The following SLC6A9 variants were observed in gnomAD, a reference collection of about 807,000 sequenced individuals.
SLC6A9 encodes the protein sodium- and chloride-dependent glycine transporter 1.
A neutral mutation model predicts 70.9 loss-of-function variants in SLC6A9; 31 were observed. That is an observed-to-expected ratio of 0.44 (90% confidence interval 0.33 to 0.59). The LOEUF (loss-of-function observed/expected upper bound fraction) is 0.59. Among genes scored for constraint, SLC6A9 ranks in the 20% least tolerant of loss-of-function variants. The probability of loss-of-function intolerance (pLI) is 0.04; values close to 1 mark genes in which losing one functional copy is unlikely to be tolerated. For missense variants in SLC6A9, 631 were observed against 845.2 expected, an observed-to-expected ratio of 0.75 and a Z score of 3.14; for synonymous variants, 310 against 341.3, an observed-to-expected ratio of 0.91 and a Z score of 1.01.
At chr1:44,017,211 C>T (rs1474112999) in intron 2 of SLC6A9, 4 of 1,548,596 alleles carry the variant, frequency 2.6e-6, no homozygotes, top group South Asian at 1.2e-5. Context: ...GCGTCAATTA[C>T]TTTCACCTCA....
chr1:44,017,943 A>C (rs1343043818), intron 2 of SLC6A9, among the ~76,000 whole-genome samples: 1 of 152,186 alleles, frequency 6.6e-6, no homozygotes, highest in African/African-American at 2.4e-5. Flanking sequence ...TGGTAGGTCC[A>C]GTGGTGTCGT....
chr1:44,009,011 C>T lies in SLC6A9; in HGVS notation c.320-388G>A, dbSNP rs532373068. On this transcript the variant is annotated intron_variant, in intron 4 of 13. Coordinates refer to ENST00000372310, the MANE Select transcript of SLC6A9 (RefSeq NM_001024845.3). ...CTGGGATTACAGGCGTGAGCCACCGCGCCCGGCCTTTTTTTTTTTTTTTTT... is the reference window on the plus strand; with the variant it reads ...CTGGGATTACAGGCGTGAGCCACCGTGCCCGGCCTTTTTTTTTTTTTTTTT... 1.6e-3 allele frequency among the ~76,000 whole-genome samples: 227 copies of T among 143,460 alleles called. 1 individual carries two copies. The highest frequency in any genetic ancestry group is 5.3e-3 in the African/African-American group (204 of 38,814). The allele number at this position is 143,460 out of a possible 152,430, so 94.1% of individuals were successfully genotyped here.
intron 8 of SLC6A9, 44 bp from the exon 9 acceptor site, chr1:44,001,671 T>C: frequency 6.6e-7 from 1 of 1,506,122 alleles, no homozygotes; most frequent in Non-Finnish European, 9.1e-7. Flanking sequence ...CTCCCCAATT[T>C]GGGCCAAGAG....
chr1:44,001,112 C>A, intron 10 of SLC6A9, 52 bp downstream of exon 10: 1 of 1,612,962 alleles, frequency 6.2e-7, no homozygotes. Flanking sequence ...CCCAACCCTT[C>A]CCTGCACGTC....
rs1460786911 is a variant in SLC6A9, at chr1:44,017,122, TC to T, written c.31-6241del. 14 of 1,606,404 alleles carry T rather than the reference TC, an allele frequency of 8.7e-6. No homozygotes were observed. The highest frequency in any genetic ancestry group is 1.2e-5 in the Non-Finnish European group (14 of 1,177,182). ...GGCGAGCGATCGCAGCCCGCGTGTC[TC>T]CGCCGCTCATTCACACCTCTGCCAG... On this transcript the variant is annotated intron_variant, in intron 2 of 13. Transcript: ENST00000372310.
chr1:44,019,265 A>T (rs1195075545), intron 2 of SLC6A9, among the ~76,000 whole-genome samples: 1 of 152,226 alleles, frequency 6.6e-6, no homozygotes, highest in Non-Finnish European at 1.5e-5. Flanking sequence ...GGTACAAGTT[A>T]ACTTCCCATA....
intron 1 of SLC6A9, among the ~76,000 whole-genome samples, chr1:44,025,270 T>C (rs1334509137): frequency 8.5e-6 from 1 of 117,768 alleles, no homozygotes; most frequent in Non-Finnish European, 1.5e-5. Flanking sequence ...GCCCAGGATC[T>C]TGTGGGAAGC....
intron 10 of SLC6A9, 38 bp downstream of exon 10, chr1:44,001,126 G>A: frequency 1.9e-6 from 3 of 1,613,968 alleles, no homozygotes; most frequent in Non-Finnish European, 2.5e-6. Flanking sequence ...GCACGTCCTG[G>A]CAACTCTGGG....
intron 2 of SLC6A9, among the ~76,000 whole-genome samples, chr1:44,019,675 G>C (rs902610975): frequency 3.3e-5 from 5 of 152,380 alleles, no homozygotes; most frequent in Admixed American, 2.6e-4. Flanking sequence ...CAGCAGCCCA[G>C]CTGGGCCCTG....
chr1:44,010,215 GC>G, intron 3 of SLC6A9, 119 bp from the exon 4 acceptor site: 1 of 1,121,266 alleles, frequency 8.9e-7, no homozygotes, highest in Non-Finnish European at 1.3e-6. Flanking sequence ...GGAGGAGTGT[GC>G]CAGGCTTGAG....
At chr1:44,008,727 A>C in intron 4 of SLC6A9, 104 bp from the exon 5 acceptor site, 1 of 891,130 alleles carries the variant, frequency 1.1e-6, no homozygotes, top group Non-Finnish European at 1.7e-6. Context: ...TTTTTTTGAG[A>C]TGGAGTCTAG....
At position 43,998,042 on chromosome 1, in the gene SLC6A9, T is replaced by C. The variant is rs201703200; in HGVS notation, c.1537-17A>G. On this transcript the variant is annotated splice_polypyrimidine_tract_variant and intron_variant, in intron 12 of 13. Transcript: ENST00000372310. ...TAGAATAAACTGCACGGGGCAGGTG[T>C]GGGAGTGGGCGTGAGGCCGACCCAG... 1,362 of 1,597,712 alleles carry C rather than the reference T, an allele frequency of 8.5e-4. 33 individuals are homozygous for C. In the South Asian group the frequency reaches 0.014, roughly 17 times the overall value.
chr1:44,009,729 C>T (rs954078008), intron 4 of SLC6A9, among the ~76,000 whole-genome samples: 5 of 151,990 alleles, frequency 3.3e-5, no homozygotes, highest in African/African-American at 4.8e-5. Flanking sequence ...GGTAAGTTGG[C>T]GGGGGGTGGC....
intron 2 of SLC6A9, chr1:44,017,128 G>A (rs757110561): frequency 1.4e-5 from 23 of 1,606,452 alleles, no homozygotes; most frequent in Middle Eastern, 1.7e-4. Flanking sequence ...TGTCTCCGCC[G>A]CTCATTCACA....
chr1:44,023,715 C>T (rs942476627), intron 2 of SLC6A9, among the ~76,000 whole-genome samples: 1 of 151,906 alleles, frequency 6.6e-6, no homozygotes, highest in Non-Finnish European at 1.5e-5. Flanking sequence ...CTACCTCTCC[C>T]GTGTCTCGTG....
In SLC6A9 at chr1:44,002,849, T is replaced by C; in HGVS notation, c.723+4A>G. 1 of 1,614,026 alleles carries C rather than the reference T, an allele frequency of 6.2e-7. No individual in the cohort carries two copies. Reference sequence around the variant, plus strand: ...CACAGACCCTGCTGGGGAGGGGTACTTGCTTTCCCTGAAGACTTGACCCCT... The same window carrying C: ...CACAGACCCTGCTGGGGAGGGGTACCTGCTTTCCCTGAAGACTTGACCCCT... On this transcript the variant is annotated splice_donor_region_variant and intron_variant, in intron 6 of 13. Transcript: ENST00000372310. The surrounding 1 kb of genome is among the most constrained non-coding windows in gnomAD (Gnocchi z 5.5).
In SLC6A9 at chr1:43,997,508, C is replaced by CGGGGTG. The variant is rs1557662261; in HGVS notation, c.*31_*36dup. 1 of 1,538,518 alleles carries CGGGGTG rather than the reference C, an allele frequency of 6.5e-7. No homozygotes were observed. Among genetic ancestry groups the CGGGGTG allele is most frequent in the Non-Finnish European group, 8.9e-7 (1 of 1,117,914 alleles). On this transcript the variant is annotated 3_prime_UTR_variant, in exon 14 of 14. Coordinates refer to ENST00000372310, the MANE Select transcript of SLC6A9 (RefSeq NM_001024845.3). The surrounding 1 kb of genome is among the most constrained non-coding windows in gnomAD (Gnocchi z 4.4). ...CTCACCAGTCTCTGCGGTGGGAGCA[C>CGGGGTG]GGGGTGGGGGTGGGGCCACTCCCCT...
At chr1:44,005,918 G>GAGTA (rs1482552990) in intron 5 of SLC6A9, among the ~76,000 whole-genome samples, 1 of 152,228 alleles carries the variant, frequency 6.6e-6, no homozygotes, top group African/African-American at 2.4e-5. Context: ...CCGCGCTGGG[G>GAGTA]AGTAGAGTGC....
At chr1:44,015,149 A>C (rs2086698082) in intron 2 of SLC6A9, among the ~76,000 whole-genome samples, 1 of 152,212 alleles carries the variant, frequency 6.6e-6, no homozygotes, top group Non-Finnish European at 1.5e-5. Context: ...ATTAGAAAAT[A>C]CAGAAAAAGG....
Sources: gnomAD v4.1 joint callset for allele counts (sites outside exome capture counted in the v4.1 genomes callset) on GRCh38, gnomAD v4.1.1 for gene constraint, Gnocchi (gnomAD v3.1) non-coding constraint, MANE v1.5 for transcripts, NCBI Gene and HGNC (gene_info 2026-07-23, HGNC 2026-07-21) for gene names.